Variants in FUT9 observed in about 807,000 individuals in gnomAD.
The protein encoded by FUT9 is 4-galactosyl-N-acetylglucosaminide 3-alpha-L-fucosyltransferase 9.
FUT9 carries 15 observed loss-of-function variants against 29.7 expected under a neutral mutation model. The ratio of observed to expected loss-of-function variants is 0.51; its 90% CI spans 0.34 to 0.78. The LOEUF (loss-of-function observed/expected upper bound fraction) is 0.78, where lower values mean the gene tolerates loss of function less well. Ranked by LOEUF, FUT9 falls within the 30% of genes least tolerant of loss-of-function variation. The pLI, the probability that FUT9 is intolerant of heterozygous loss-of-function variation, is 0.01. For missense variants in FUT9, 319 were observed against 425.4 expected, an observed-to-expected ratio of 0.75 and a Z score of 2.20; for synonymous variants, 169 against 153.7, an observed-to-expected ratio of 1.10 and a Z score of -0.74.
At chr6:96,115,609 G>A (rs779622887) in intron 2 of FUT9, among the ~76,000 whole-genome samples, 1 of 152,126 alleles carries the variant, frequency 6.6e-6, no homozygotes, top group African/African-American at 2.4e-5. Context: ...GTCTCATGTG[G>A]CTGGTAGTTT....
chr6:96,205,813 G>C lies in FUT9; in HGVS notation c.*1578G>C, dbSNP rs530556487. 1 of 166,830 alleles carries C rather than the reference G, an allele frequency of 6.0e-6. No individual in the cohort carries two copies. The highest frequency in any genetic ancestry group is 2.1e-4 in the South Asian group (1 of 4,822). The allele number at this position is 166,830 out of a possible 1,614,324, so 10.3% of individuals were successfully genotyped here. On this transcript the variant is annotated 3_prime_UTR_variant, in exon 3 of 3. Transcript: ENST00000302103. ...AATTGACATCAGCAAAATTCAAAAA[G>C]AATTCAGTAAAAAGGGCATAGATCC...
chr6:96,214,738 C>T lies in FUT9; in HGVS notation c.*10503C>T, dbSNP rs1387214882. 3 of 166,912 alleles carry T rather than the reference C, an allele frequency of 1.8e-5. No homozygotes were observed. The highest frequency in any genetic ancestry group is 3.9e-4 in the East Asian group (2 of 5,192). 10.3% of individuals were successfully genotyped at this position (166,912 alleles called of 1,614,324 possible). On this transcript the variant is annotated 3_prime_UTR_variant, in exon 3 of 3. Coordinates refer to ENST00000302103, the MANE Select transcript of FUT9 (RefSeq NM_006581.4). Reference sequence around the variant, plus strand: ...AAGGCTGGAACGTAGCTCTTAGTGACTTAAAACATGACAGTAAGCATTTAC... The same window carrying T: ...AAGGCTGGAACGTAGCTCTTAGTGATTTAAAACATGACAGTAAGCATTTAC...
intron 1 of FUT9, among the ~76,000 whole-genome samples, chr6:96,074,545 G>T (rs981951803): frequency 6.6e-6 from 1 of 152,000 alleles, no homozygotes; most frequent in African/African-American, 2.4e-5. Context: ...GATCATAACT[G>T]CTCTCACTTC....
At chr6:96,037,140 G>A (rs1770377432) in intron 1 of FUT9, 1 of 151,880 alleles carries the variant, frequency 6.6e-6, no homozygotes. Context: ...TGTGGGTATG[G>A]GCATTTTTTT....
rs186990939 is a variant in FUT9, at chr6:96,050,195, A to T, written c.-98+33983A>T. 2.4e-3 allele frequency among the ~76,000 whole-genome samples: 368 copies of T among 152,278 alleles called. 4 individuals are homozygous for T. Among genetic ancestry groups the T allele is most frequent in the Non-Finnish European group, 3.7e-3 (251 of 68,014 alleles). ...AATTTCAAGATGGCAGCAGCAGAGT[A>T]TTTAATGAAGTGTAGGACCCTTCTG... On this transcript the variant is annotated intron_variant, in intron 1 of 2. Coordinates refer to ENST00000302103, the MANE Select transcript of FUT9 (RefSeq NM_006581.4).
chr6:96,028,479 A>G (rs1429019945), intron 1 of FUT9, among the ~76,000 whole-genome samples: 5 of 151,654 alleles, frequency 3.3e-5, no homozygotes, highest in Non-Finnish European at 7.4e-5. Context: ...ATTTCTTAGT[A>G]TATCTGAGAC....
intron 2 of FUT9, among the ~76,000 whole-genome samples, chr6:96,155,128 C>T (rs1359857799): frequency 6.6e-6 from 1 of 152,148 alleles, no homozygotes; most frequent in African/African-American, 2.4e-5. Context: ...GTTTACTTCC[C>T]TATAATGCCT....
At chr6:96,166,136 C>A (rs1205607241) in intron 2 of FUT9, among the ~76,000 whole-genome samples, 1 of 150,542 alleles carries the variant, frequency 6.6e-6, no homozygotes, top group African/African-American at 2.5e-5. Context: ...ACACACAATT[C>A]ACTTGCTTCA....
At chr6:96,123,205 AG>A (rs1401453545) in intron 2 of FUT9, among the ~76,000 whole-genome samples, 2 of 152,176 alleles carry the variant, frequency 1.3e-5, no homozygotes, top group Admixed American at 1.3e-4. Flanking sequence ...TATTGACCAA[AG>A]GATATGACTA....
At position 96,029,763 on chromosome 6, in the gene FUT9, C is replaced by T. The variant is rs568218419; in HGVS notation, c.-98+13551C>T. 3.8e-4 allele frequency among the ~76,000 whole-genome samples: 57 copies of T among 151,490 alleles called. 1 individual carries two copies. The highest frequency in any genetic ancestry group is 6.5e-4 in the Non-Finnish European group (44 of 67,710). On this transcript the variant is annotated intron_variant, in intron 1 of 2. Transcript: ENST00000302103. ...TGATCCAGGAGTTGAAATTATCAAA[C>T]AGGGACTATGACTAATGTATTAAAG...
intron 2 of FUT9, among the ~76,000 whole-genome samples, chr6:96,130,686 C>T (rs988466990): frequency 1.3e-5 from 2 of 152,098 alleles, no homozygotes; most frequent in African/African-American, 4.8e-5. Context: ...CAAGATAATA[C>T]AGTAAAATTT....
chr6:96,153,640 T>C (rs995933315), intron 2 of FUT9, among the ~76,000 whole-genome samples: 1 of 152,130 alleles, frequency 6.6e-6, no homozygotes, highest in African/African-American at 2.4e-5. Context: ...TTTACAAAGG[T>C]CTTCAGTCAG....
At chr6:96,149,992 C>G (rs1317393759) in intron 2 of FUT9, among the ~76,000 whole-genome samples, 2 of 152,138 alleles carry the variant, frequency 1.3e-5, no homozygotes, top group Admixed American at 1.3e-4. Context: ...TCTTTACCCC[C>G]CTTCTCCATT....
At position 96,191,495 on chromosome 6, in the gene FUT9, T is replaced by C. The variant is rs550301694; in HGVS notation, c.-8-11653T>C. On this transcript the variant is annotated intron_variant, in intron 2 of 2. Transcript: ENST00000302103. ...AGAAAATCTAGAAGAAATGGATAAATTCCTGGACACATACACCCTCCCAAG... is the reference window on the plus strand; with the variant it reads ...AGAAAATCTAGAAGAAATGGATAAACTCCTGGACACATACACCCTCCCAAG... 3.9e-5 allele frequency among the ~76,000 whole-genome samples: 6 copies of C among 152,232 alleles called. No homozygotes were observed. In the South Asian group the frequency reaches 1.2e-3, roughly 32 times the overall value.
chr6:96,134,151 T>C (rs187235788), intron 2 of FUT9, among the ~76,000 whole-genome samples: 11 of 151,966 alleles, frequency 7.2e-5, no homozygotes, highest in Admixed American at 6.6e-4. Flanking sequence ...GTAGAATTAA[T>C]ACATGTTCAT....
At chr6:96,021,369 G>A (rs1386659982) in intron 1 of FUT9, among the ~76,000 whole-genome samples, 1 of 151,842 alleles carries the variant, frequency 6.6e-6, no homozygotes, top group Non-Finnish European at 1.5e-5. Flanking sequence ...GGTTGATTCA[G>A]TCCTTGGAGG....
chr6:96,044,494 T>C (rs1770523905), intron 1 of FUT9, among the ~76,000 whole-genome samples: 1 of 152,260 alleles, frequency 6.6e-6, no homozygotes, highest in Non-Finnish European at 1.5e-5. Context: ...TTGTATTTTC[T>C]AGCAGTGCTG....
intron 2 of FUT9, among the ~76,000 whole-genome samples, chr6:96,200,056 C>T (rs1773700485): frequency 6.6e-6 from 1 of 152,078 alleles, no homozygotes; most frequent in Non-Finnish European, 1.5e-5. Flanking sequence ...TATTTTGTGC[C>T]ATTAACTCTC....
At chr6:96,145,567 T>A (rs1421815804) in intron 2 of FUT9, among the ~76,000 whole-genome samples, 2 of 152,142 alleles carry the variant, frequency 1.3e-5, no homozygotes, top group African/African-American at 4.8e-5. Flanking sequence ...CTAAAGAAGA[T>A]AAATATGAAG....
Sources: allele counts gnomAD v4.1 joint callset (sites outside exome capture counted in the v4.1 genomes callset), GRCh38; gene constraint gnomAD v4.1.1; transcripts MANE v1.5; gene names NCBI Gene and HGNC (gene_info 2026-07-23, HGNC 2026-07-21).